Variants in WASF2 observed in about 807,000 individuals in gnomAD.
WASF2 encodes actin-binding protein WASF2.
In WASF2, 14 loss-of-function variants were observed where a neutral mutation model predicts 45.0. The observed-to-expected ratio is 0.31, with a 90% confidence interval of 0.21 to 0.49. The LOEUF is 0.49. Among genes scored for constraint, WASF2 ranks in the 20% least tolerant of loss-of-function variants. The pLI, the probability that WASF2 is intolerant of heterozygous loss-of-function variation, is 0.99. For synonymous variants in WASF2, 200 were observed against 236.3 expected (o/e 0.85, Z 1.41); for missense variants, 439 against 636.1 (o/e 0.69, Z 3.33).
chr1:27,473,525 G>A (rs954983372), intron 1 of WASF2, among the ~76,000 whole-genome samples: 1 of 151,302 alleles, frequency 6.6e-6, no homozygotes, highest in African/African-American at 2.4e-5. Context: ...TGTAACAGAG[G>A]AGGAAAGAGG....
At chr1:27,453,591 C>T (rs1240706723) in intron 1 of WASF2, among the ~76,000 whole-genome samples, 8 of 103,104 alleles carry the variant, frequency 7.8e-5, no homozygotes, top group Admixed American at 1.0e-4. Context: ...GACTCTGTCT[C>T]AAAAAAAAAA....
chr1:27,463,368 G>A (rs2017571790), intron 1 of WASF2, among the ~76,000 whole-genome samples: 1 of 152,066 alleles, frequency 6.6e-6, no homozygotes. Flanking sequence ...GGTGACACCT[G>A]TAATCCCAGC....
intron 1 of WASF2, among the ~76,000 whole-genome samples, chr1:27,488,041 A>G (rs2017970867): frequency 6.6e-6 from 1 of 152,066 alleles, no homozygotes; most frequent in African/African-American, 2.4e-5. Context: ...TGAACAGGAA[A>G]AAGTTTCACA....
rs537265013 is a variant in WASF2 at position 27,410,557 on chromosome 1, G to A, written c.825-351C>T. On this transcript the variant is annotated intron_variant, in intron 7 of 8. Transcript: ENST00000618852. The surrounding 1 kb of genome is among the most constrained non-coding windows in gnomAD (Gnocchi z 4.2). ...AGGCACCCTCCCTCCCCTTCCCTAA[G>A]AAGGATGGTCCATGGCAGTTGCTAG... Among the ~76,000 whole-genome samples the A allele has an allele frequency of 5.3e-5, 8 of 152,266 alleles. No individual in the cohort carries two copies. In the East Asian group the frequency reaches 1.4e-3, roughly 26 times the overall value.
intron 1 of WASF2, among the ~76,000 whole-genome samples, chr1:27,446,448 G>T (rs536171066): frequency 3.3e-5 from 5 of 152,086 alleles, no homozygotes; most frequent in Non-Finnish European, 7.4e-5. Flanking sequence ...GAATTCTATA[G>T]CATTCCAAAA....
chr1:27,473,471 AAAAG>A (rs1305834070), intron 1 of WASF2, among the ~76,000 whole-genome samples: 208 of 151,446 alleles, frequency 1.4e-3, no homozygotes, highest in African/African-American at 4.7e-3. Context: ...AAAAAAAAAA[AAAAG>A]AAAGAAAAAA....
intron 1 of WASF2, among the ~76,000 whole-genome samples, chr1:27,451,283 A>G (rs1203459011): frequency 6.6e-6 from 1 of 152,212 alleles, no homozygotes; most frequent in Non-Finnish European, 1.5e-5. Flanking sequence ...GGAAGTATCC[A>G]GCTCAAGTTG....
intron 4 of WASF2, among the ~76,000 whole-genome samples, chr1:27,417,129 C>G (rs2016838241): frequency 6.6e-6 from 1 of 152,124 alleles, no homozygotes; most frequent in Non-Finnish European, 1.5e-5. Flanking sequence ...ACACTGTATG[C>G]TAAAAAGAAA....
At chr1:27,473,869 C>G (rs2017728203) in intron 1 of WASF2, among the ~76,000 whole-genome samples, 1 of 152,204 alleles carries the variant, frequency 6.6e-6, no homozygotes, top group Non-Finnish European at 1.5e-5. Context: ...GCCCAGGGAG[C>G]AAGGTGGGAA....
At chr1:27,461,687 G>T (rs1205369190) in intron 1 of WASF2, among the ~76,000 whole-genome samples, 2 of 151,850 alleles carry the variant, frequency 1.3e-5, no homozygotes, top group African/African-American at 2.4e-5. Flanking sequence ...TGTTAGCCAG[G>T]ATGGTCTCGA....
At chr1:27,484,829 T>G (rs1022050436) in intron 1 of WASF2, among the ~76,000 whole-genome samples, 1 of 134,484 alleles carries the variant, frequency 7.4e-6, no homozygotes, top group African/African-American at 3.0e-5. Context: ...AAAAGAATAC[T>G]CTAAAGGAAA....
chr1:27,418,930 A>C (rs759532796), intron 3 of WASF2, 24 bp downstream of exon 3: 1 of 1,607,980 alleles, frequency 6.2e-7, no homozygotes, highest in Non-Finnish European at 8.5e-7. Flanking sequence ...CAGAGCCTGC[A>C]AATGCTGAGC....
In WASF2 at chr1:27,418,302, G is replaced by C; in HGVS notation, c.386C>G (p.Thr129Ser). The C allele has an allele frequency of 6.2e-7, 1 of 1,614,194 alleles. No individual in the cohort carries two copies. Among genetic ancestry groups the C allele is most frequent in the Non-Finnish European group, 8.5e-7 (1 of 1,180,024 alleles). Residue 129 changes from threonine (T) to serine (S), a missense_variant, in exon 4 of 9, where the codon ACT becomes AGT. This residue lies in a region of WASF2 where 98 missense variants were observed against 120.7 expected (regional missense o/e 0.81). Transcript: ENST00000618852. ...PVLETYNTCD[T>S]PPPLNNLTPY... Reference sequence around the variant, plus strand: ...GGTAAGATTGTTGAGAGGGGGAGGAGTATCACAGGTATTGTATGTTTCTAA... The same window carrying C: ...GGTAAGATTGTTGAGAGGGGGAGGACTATCACAGGTATTGTATGTTTCTAA...
chr1:27,472,329 A>G (rs1405010731), intron 1 of WASF2, among the ~76,000 whole-genome samples: 1 of 151,678 alleles, frequency 6.6e-6, no homozygotes, highest in Non-Finnish European at 1.5e-5. Flanking sequence ...CAACTCAAAA[A>G]AAAAAAAAAA....
intron 1 of WASF2, among the ~76,000 whole-genome samples, chr1:27,464,889 C>G (rs1228130148): frequency 6.6e-6 from 1 of 152,104 alleles, no homozygotes; most frequent in African/African-American, 2.4e-5. Flanking sequence ...CCACCACGCC[C>G]GGCTAATTAT....
chr1:27,458,006 T>C (rs564528498), intron 1 of WASF2, among the ~76,000 whole-genome samples: 2 of 152,158 alleles, frequency 1.3e-5, no homozygotes, highest in Middle Eastern at 6.8e-3. Context: ...TTGCACACAC[T>C]GTGTTGTCAA....
chr1:27,429,633 C>G (rs2017034100), intron 1 of WASF2, among the ~76,000 whole-genome samples: 1 of 151,828 alleles, frequency 6.6e-6, no homozygotes, highest in African/African-American at 2.4e-5. Flanking sequence ...AAAAATTGGC[C>G]AGGCGTGTCG....
intron 1 of WASF2, among the ~76,000 whole-genome samples, chr1:27,466,079 C>A (rs541144319): frequency 9.8e-5 from 15 of 152,296 alleles, no homozygotes; most frequent in African/African-American, 3.4e-4. Flanking sequence ...GTCACTGGTC[C>A]TCTCTGGAGT....
In WASF2 at chr1:27,475,048, G is replaced by A. The variant is rs563886873; in HGVS notation, c.-44+14938C>T. On this transcript the variant is annotated intron_variant, in intron 1 of 8. Coordinates refer to ENST00000618852, the MANE Select transcript of WASF2 (RefSeq NM_006990.5). The stretch of plus-strand genomic sequence containing the variant: ...CCACCACTTTGGGAGGCTGAGGCAG[G>A]AGGACTGCTTGAGGCCAGGGGTTCA... Among the ~76,000 whole-genome samples the A allele has an allele frequency of 1.5e-4, 23 of 152,272 alleles. No homozygotes were observed. In the East Asian group the frequency reaches 3.9e-3, roughly 26 times the overall value.
Sources: gnomAD v4.1 joint callset for allele counts (sites outside exome capture counted in the v4.1 genomes callset) on GRCh38, gnomAD v4.1.1 for gene constraint, gnomAD v4.1.1 regional missense constraint, Gnocchi (gnomAD v3.1) non-coding constraint, MANE v1.5 for transcripts, NCBI Gene and HGNC (gene_info 2026-07-23, HGNC 2026-07-21) for gene names.